CTNNBL1: variants seen among roughly 807,000 people sequenced by gnomAD.
CTNNBL1 encodes beta-catenin-like protein 1.
A neutral mutation model predicts 72.7 loss-of-function variants in CTNNBL1; 31 were observed. The ratio of observed to expected loss-of-function variants is 0.43; its 90% CI spans 0.32 to 0.58. The LOEUF is 0.58. Ranked by LOEUF, CTNNBL1 falls within the 20% of genes least tolerant of loss-of-function variation. The pLI, the probability that CTNNBL1 is intolerant of heterozygous loss-of-function variation, is 0.08. For missense variants in CTNNBL1, 534 were observed against 725.1 expected, an observed-to-expected ratio of 0.74 and a Z score of 3.03; for synonymous variants, 240 against 267.3, an observed-to-expected ratio of 0.90 and a Z score of 1.00.
At chr20:37,737,248 G>C in intron 2 of CTNNBL1, 130 bp from the exon 3 acceptor site, 1 of 664,442 alleles carries the variant, frequency 1.5e-6, no homozygotes, top group East Asian at 2.6e-5. Context: ...AACAAAAAAA[G>C]TGTACTGTAC....
chr20:37,871,886 G>T (rs764814348), intron 15 of CTNNBL1, 39 bp from the exon 16 acceptor site: 9 of 1,567,214 alleles, frequency 5.7e-6, no homozygotes, highest in Middle Eastern at 1.7e-4. Flanking sequence ...TGGATGCCAT[G>T]CCTGGGATCC....
chr20:37,737,047 C>T (rs1039488203), intron 2 of CTNNBL1, among the ~76,000 whole-genome samples: 5 of 151,850 alleles, frequency 3.3e-5, no homozygotes, highest in Non-Finnish European at 5.9e-5. Context: ...CACGAAGAAA[C>T]CCTGTCTCTA....
intron 3 of CTNNBL1, among the ~76,000 whole-genome samples, chr20:37,740,308 A>G (rs186734364): frequency 1.3e-5 from 2 of 152,198 alleles, no homozygotes; most frequent in Non-Finnish European, 2.9e-5. Context: ...GCGAGGTGAA[A>G]TTAAGATGAA....
chr20:37,840,282 T>A, intron 12 of CTNNBL1, 83 bp downstream of exon 12: 1 of 1,020,360 alleles, frequency 9.8e-7, no homozygotes, highest in Non-Finnish European at 1.5e-6. Context: ...GATACTGGGT[T>A]GAGTGGTCCT....
Position 37,765,265 on chromosome 20 carries a change from G to A in CTNNBL1, c.633G>A (p.Glu211=). 6.4e-7 allele frequency: 1 copy of A among 1,551,184 alleles called. No homozygotes were observed. Among genetic ancestry groups the A allele is most frequent in the Middle Eastern group, 1.7e-4 (1 of 5,990 alleles). Residue 211 remains glutamate, a synonymous_variant, in exon 6 of 16, where the codon GAG becomes GAA. Transcript: ENST00000361383. ...LERLDESVKE[E]ADGVHNTLAI... ...GCCTGGATGAGTCTGTGAAAGAGGA[G>A]GCAGATGGCGTCCACAACACTCTGG...
At chr20:37,718,185 C>T (rs1268462767) in intron 1 of CTNNBL1, among the ~76,000 whole-genome samples, 8 of 151,228 alleles carry the variant, frequency 5.3e-5, no homozygotes, top group East Asian at 3.9e-4. Context: ...TAGGGGCGGC[C>T]GGGCAGAGGC....
intron 11 of CTNNBL1, among the ~76,000 whole-genome samples, chr20:37,820,962 G>A (rs2018387993): frequency 6.6e-6 from 1 of 152,130 alleles, no homozygotes; most frequent in Non-Finnish European, 1.5e-5. Context: ...CTAGACTTTT[G>A]CATGACAGAA....
chr20:37,830,493 A>ATC (rs2072198880), intron 11 of CTNNBL1, among the ~76,000 whole-genome samples: 1 of 152,146 alleles, frequency 6.6e-6, no homozygotes, highest in East Asian at 1.9e-4. Flanking sequence ...CCCCTCTAGA[A>ATC]TCTGGAGGCA....
intron 10 of CTNNBL1, among the ~76,000 whole-genome samples, chr20:37,794,404 C>A (rs1311986453): frequency 6.6e-6 from 1 of 152,198 alleles, no homozygotes; most frequent in African/African-American, 2.4e-5. Flanking sequence ...GCAACCTCCA[C>A]CTCCTGGGTT....
At chr20:37,719,714 A>T (rs1328336924) in intron 1 of CTNNBL1, among the ~76,000 whole-genome samples, 1 of 152,206 alleles carries the variant, frequency 6.6e-6, no homozygotes, top group Non-Finnish European at 1.5e-5. Flanking sequence ...AAAATGTTAG[A>T]AGATATTTTA....
intron 2 of CTNNBL1, among the ~76,000 whole-genome samples, chr20:37,734,366 A>T (rs1043344483): frequency 1.3e-4 from 20 of 152,220 alleles, no homozygotes; most frequent in Admixed American, 1.3e-3. Context: ...GCCAGGGCTT[A>T]GACAAACAGT....
At chr20:37,707,684 C>T (rs1006767198) in intron 1 of CTNNBL1, among the ~76,000 whole-genome samples, 4 of 152,234 alleles carry the variant, frequency 2.6e-5, no homozygotes, top group African/African-American at 9.6e-5. Flanking sequence ...TGGAGTAGCA[C>T]TTTTAATATC....
At chr20:37,829,858 G>T (rs547087653) in intron 11 of CTNNBL1, among the ~76,000 whole-genome samples, 1 of 152,204 alleles carries the variant, frequency 6.6e-6, no homozygotes, top group East Asian at 1.9e-4. Context: ...AGGAGACAGG[G>T]TCTTGCCCTG....
At chr20:37,782,001 C>A (rs2073629417) in intron 10 of CTNNBL1, among the ~76,000 whole-genome samples, 1 of 152,228 alleles carries the variant, frequency 6.6e-6, no homozygotes, top group South Asian at 2.1e-4. Context: ...CCTTCTCACC[C>A]TCAGTTTTTC....
chr20:37,771,350 A>G (rs1030958299), intron 7 of CTNNBL1, among the ~76,000 whole-genome samples: 1 of 152,170 alleles, frequency 6.6e-6, no homozygotes, highest in African/African-American at 2.4e-5. Context: ...ACTAAGATCC[A>G]CTTGTCTCAG....
chr20:37,732,830 G>T lies in CTNNBL1; in HGVS notation c.31-49G>T, dbSNP rs1028700260. 10 of 1,565,730 alleles carry T rather than the reference G, an allele frequency of 6.4e-6. No individual in the cohort carries two copies. The African/African-American group carries it at 8.2e-5, about 13-fold the overall frequency. ...TTATAGGCATGAGCCACCACGCCTG[G>T]CTTCTATGTTGTATCCAGCTCTAAA... On this transcript the variant is annotated intron_variant, in intron 1 of 15. Coordinates refer to ENST00000361383, the MANE Select transcript of CTNNBL1 (RefSeq NM_030877.5).
At chr20:37,722,694 T>A (rs901360594) in intron 1 of CTNNBL1, among the ~76,000 whole-genome samples, 2 of 152,292 alleles carry the variant, frequency 1.3e-5, no homozygotes, top group African/African-American at 4.8e-5. Flanking sequence ...AGCATTTTTT[T>A]AATAAATGCA....
intron 10 of CTNNBL1, among the ~76,000 whole-genome samples, chr20:37,791,594 ATGGTT>A (rs2073726304): frequency 6.6e-6 from 1 of 152,156 alleles, no homozygotes; most frequent in Non-Finnish European, 1.5e-5. Context: ...TATATATTAT[ATGGTT>A]TATATCAGAG....
At chr20:37,745,409 A>G (rs1244912658) in intron 3 of CTNNBL1, among the ~76,000 whole-genome samples, 2 of 152,244 alleles carry the variant, frequency 1.3e-5, no homozygotes, top group Admixed American at 1.3e-4. Flanking sequence ...TTTACTTTCT[A>G]GAAGAGAAGA....
Sources: allele counts gnomAD v4.1 joint callset (sites outside exome capture counted in the v4.1 genomes callset), GRCh38; gene constraint gnomAD v4.1.1; transcripts MANE v1.5; gene names NCBI Gene and HGNC (gene_info 2026-07-23, HGNC 2026-07-21).